The following CDH13 variants were observed in gnomAD, a reference collection of about 807,000 sequenced individuals.
CDH13 encodes the protein cadherin-13.
A neutral mutation model predicts 63.8 loss-of-function variants in CDH13; 24 were observed. The ratio of observed to expected loss-of-function variants is 0.38; its 90% CI spans 0.27 to 0.53. The LOEUF (loss-of-function observed/expected upper bound fraction) is 0.53. Among genes scored for constraint, CDH13 ranks in the 20% least tolerant of loss-of-function variants. CDH13 has a pLI of 0.85. For missense variants in CDH13, 1,049 were observed against 903.1 expected (o/e 1.16, Z -2.07); for synonymous variants, 503 against 355.3 (o/e 1.42, Z -4.67).
chr16:83,436,385 C>T (rs1249808015), intron 6 of CDH13, among the ~76,000 whole-genome samples: 2 of 152,002 alleles, frequency 1.3e-5, no homozygotes, highest in East Asian at 1.9e-4. Context: ...GAGGGAGGAT[C>T]GCTTGAGCCT....
At chr16:82,685,641 C>T (rs1914989594) in intron 1 of CDH13, among the ~76,000 whole-genome samples, 1 of 151,834 alleles carries the variant, frequency 6.6e-6, no homozygotes, top group Non-Finnish European at 1.5e-5. Flanking sequence ...TGCATGTGCT[C>T]TGTGTGTGTG....
At chr16:83,196,676 C>G (rs2038888602) in intron 4 of CDH13, among the ~76,000 whole-genome samples, 2 of 152,242 alleles carry the variant, frequency 1.3e-5, no homozygotes, top group Admixed American at 6.5e-5. Flanking sequence ...AGCAAATAAG[C>G]TCATGAACAA....
chr16:83,366,053 T>A (rs761583975), intron 6 of CDH13, among the ~76,000 whole-genome samples: 113 of 152,294 alleles, frequency 7.4e-4, no homozygotes, highest in Non-Finnish European at 1.3e-3. Flanking sequence ...TTTATGATAA[T>A]TTTTTACAAT....
intron 5 of CDH13, among the ~76,000 whole-genome samples, chr16:83,293,687 C>G (rs1126187): frequency 0.043 from 6,587 of 152,174 alleles, 483 homozygotes; most frequent in African/African-American, 0.15. Context: ...GGATATTTGT[C>G]TTTTCATGTC....
chr16:83,574,751 G>A (rs544742194), intron 7 of CDH13, among the ~76,000 whole-genome samples: 57 of 152,278 alleles, frequency 3.7e-4, no homozygotes, highest in African/African-American at 1.3e-3. Context: ...AGATTCCCAT[G>A]TAACAACAAC....
At chr16:83,486,091 C>G (rs898317441) in intron 6 of CDH13, among the ~76,000 whole-genome samples, 6 of 151,954 alleles carry the variant, frequency 3.9e-5, no homozygotes, top group African/African-American at 9.7e-5. Flanking sequence ...TGCAGTAAGC[C>G]AAGATCACGC....
At chr16:83,061,686 C>G (rs1213645944) in intron 3 of CDH13, among the ~76,000 whole-genome samples, 1 of 152,128 alleles carries the variant, frequency 6.6e-6, no homozygotes, top group African/African-American at 2.4e-5. Flanking sequence ...CCAGACGCCT[C>G]CAGTTAAACT....
chr16:82,628,272 C>G (rs77068073), intron 1 of CDH13, among the ~76,000 whole-genome samples: 1 of 152,056 alleles, frequency 6.6e-6, no homozygotes, highest in South Asian at 2.1e-4. Flanking sequence ...AGGGCAGGGC[C>G]GGGCAGAGTA....
At chr16:82,820,691 A>G (rs1332857539) in intron 1 of CDH13, among the ~76,000 whole-genome samples, 3 of 152,214 alleles carry the variant, frequency 2.0e-5, no homozygotes, top group Non-Finnish European at 4.4e-5. Flanking sequence ...TCCTCCCCCA[A>G]AACATTCTTG....
intron 2 of CDH13, among the ~76,000 whole-genome samples, chr16:82,912,818 C>G (rs983620057): frequency 6.6e-6 from 1 of 152,050 alleles, no homozygotes; most frequent in Non-Finnish European, 1.5e-5. Flanking sequence ...TGGCGGGCAC[C>G]TGTAGTCCCA....
chr16:83,753,062 T>C (rs1448248667), intron 11 of CDH13, among the ~76,000 whole-genome samples: 2 of 152,210 alleles, frequency 1.3e-5, no homozygotes, highest in Non-Finnish European at 2.9e-5. Flanking sequence ...AGGTTGGCAT[T>C]AACATACAAA....
At chr16:83,661,321 T>C (rs536574252) in intron 8 of CDH13, among the ~76,000 whole-genome samples, 81 of 152,168 alleles carry the variant, frequency 5.3e-4, no homozygotes, top group Admixed American at 1.0e-3. Context: ...ACCCTGTCTC[T>C]ACACAAAATG....
rs536543215 is a variant in CDH13, at chr16:82,926,725, A to G, written c.157+68252A>G. 2.6e-5 allele frequency among the ~76,000 whole-genome samples: 4 copies of G among 152,252 alleles called. No individual in the cohort carries two copies. In the East Asian group the frequency reaches 5.8e-4, roughly 22 times the overall value. Reference sequence around the variant, plus strand: ...CTGTGTAACCATAGTTATTCACCCAACCTCTGAGCAGTGTGAGGCATGGAC... The same window carrying G: ...CTGTGTAACCATAGTTATTCACCCAGCCTCTGAGCAGTGTGAGGCATGGAC... On this transcript the variant is annotated intron_variant, in intron 2 of 13. Coordinates refer to ENST00000567109, the MANE Select transcript of CDH13 (RefSeq NM_001257.5).
At chr16:82,964,966 A>C (rs999944436) in intron 2 of CDH13, among the ~76,000 whole-genome samples, 51 of 152,318 alleles carry the variant, frequency 3.3e-4, no homozygotes, top group African/African-American at 1.2e-3. Context: ...ATATCACCCC[A>C]CTGGGAGCTA....
At chr16:83,483,217 C>T (rs975651934) in intron 6 of CDH13, among the ~76,000 whole-genome samples, 1 of 152,154 alleles carries the variant, frequency 6.6e-6, no homozygotes, top group Admixed American at 6.5e-5. Flanking sequence ...CAATGCGGTT[C>T]CCTCAGAGGC....
At chr16:82,719,579 C>T (rs1333724454) in intron 1 of CDH13, 7 of 375,682 alleles carry the variant, frequency 1.9e-5, no homozygotes, top group Non-Finnish European at 3.7e-5. Context: ...GGCGCAGTGG[C>T]TTGTGTCTGT....
At chr16:83,652,790 C>T (rs951667719) in intron 8 of CDH13, among the ~76,000 whole-genome samples, 1 of 152,166 alleles carries the variant, frequency 6.6e-6, no homozygotes. Flanking sequence ...CCAGCAGCTC[C>T]ACTCCTAGGT....
In CDH13 at chr16:82,840,699, A is replaced by AG. The variant is rs1209032804; in HGVS notation, c.46-17663_46-17662insG. 9.1e-4 allele frequency among the ~76,000 whole-genome samples: 139 copies of AG among 152,020 alleles called. 2 individuals carry two copies. Among genetic ancestry groups the AG allele is most frequent in the African/African-American group, 3.3e-3 (137 of 41,498 alleles). ...GAATCCATCTCAAAAAAAAAAAAAAAAAAGAAAAAAACTTGCATAATGGAG... is the reference window on the plus strand; with the variant it reads ...GAATCCATCTCAAAAAAAAAAAAAAAGAAAGAAAAAAACTTGCATAATGGAG... On this transcript the variant is annotated intron_variant, in intron 1 of 13. Coordinates refer to ENST00000567109, the MANE Select transcript of CDH13 (RefSeq NM_001257.5).
chr16:82,759,895 A>T (rs1362026964), intron 1 of CDH13, among the ~76,000 whole-genome samples: 5 of 152,130 alleles, frequency 3.3e-5, no homozygotes, highest in Non-Finnish European at 4.4e-5. Context: ...CCGTCTACCA[A>T]GCCCCAATCC....
Sources: allele counts gnomAD v4.1 joint callset (sites outside exome capture counted in the v4.1 genomes callset), GRCh38; gene constraint gnomAD v4.1.1; transcripts MANE v1.5; gene names NCBI Gene and HGNC (gene_info 2026-07-23, HGNC 2026-07-21).